The following PNPLA4 variants were observed in gnomAD, a reference collection of about 807,000 sequenced individuals.
PNPLA4 encodes patatin-like phospholipase domain-containing protein 4.
In PNPLA4, 15 loss-of-function variants were observed where a neutral mutation model predicts 18.3. The ratio of observed to expected loss-of-function variants is 0.82; its 90% CI spans 0.55 to 1.26. PNPLA4 has a LOEUF of 1.26. Among genes scored for constraint, PNPLA4 ranks in the 50% most tolerant of loss-of-function variants. The pLI is 0.00. For synonymous variants in PNPLA4, 88 were observed against 85.6 expected (o/e 1.03, Z -0.16); for missense variants, 229 against 196.8 (o/e 1.16, Z -0.98).
intron 4 of PNPLA4, among the ~76,000 whole-genome samples, chrX:7,921,016 T>C (rs1924198046): frequency 8.9e-6 from 1 of 112,227 alleles, no homozygotes; most frequent in South Asian, 3.7e-4. Flanking sequence ...ATGCCTGTAA[T>C]TCCAGCACTT....
chrX:7,907,127 C>T (rs1923728924), intron 5 of PNPLA4, among the ~76,000 whole-genome samples: 1 of 111,308 alleles, frequency 9.0e-6, no homozygotes, highest in Admixed American at 9.6e-5. Context: ...AAGCAATTCT[C>T]CTGCTTCAGC....
At chrX:7,913,229 A>G (rs1233355904) in intron 4 of PNPLA4, among the ~76,000 whole-genome samples, 1 of 111,921 alleles carries the variant, frequency 8.9e-6, no homozygotes, top group Non-Finnish European at 1.9e-5. Context: ...CTCATTACCA[A>G]AAAACCCACT....
In PNPLA4 at chrX:7,899,151, T is replaced by C. The variant is rs1236443934; in HGVS notation, c.*1535A>G. 1 of 111,691 alleles carries C rather than the reference T, an allele frequency of 9.0e-6. No homozygotes were observed. Among genetic ancestry groups the C allele is most frequent in the East Asian group, 2.8e-4 (1 of 3,565 alleles). 9.2% of individuals were successfully genotyped at this position (111,691 alleles called of 1,213,427 possible). ...CCATCATTACTCTAGAGTGGGTCTA[T>C]GCATAACTCCTCAAAAAGAGGCCAT... On this transcript the variant is annotated 3_prime_UTR_variant, in exon 7 of 7. Transcript: ENST00000381042.
At chrX:7,916,439 GC>G (rs1244947353) in intron 4 of PNPLA4, among the ~76,000 whole-genome samples, 4 of 111,579 alleles carry the variant, frequency 3.6e-5, no homozygotes. Flanking sequence ...AAGGAATCAT[GC>G]TAAATAATGA....
Position 7,922,052 on chromosome X carries a change from T to C in PNPLA4, c.227A>G (p.Gln76Arg). The part of the protein sequence containing the change: ...TYKFAEEIRR[Q>R]SFGAVTPGYD... ...ACCGGGCGTTACTGCCCCGAAAGACTGCCTTCTGATTTCTTCGGCAAACTT... is the reference window on the plus strand; with the variant it reads ...ACCGGGCGTTACTGCCCCGAAAGACCGCCTTCTGATTTCTTCGGCAAACTT... The change falls in exon 3 of 7, where the codon CAG becomes CGG. Residue 76 changes from glutamine (Q) to arginine (R), a missense_variant. Transcript: ENST00000381042. The C allele has an allele frequency of 8.3e-7, 1 of 1,209,777 alleles. No homozygotes were observed. The highest frequency in any genetic ancestry group is 1.1e-6 in the Non-Finnish European group (1 of 893,833).
rs1302460627 is a variant in PNPLA4, at chrX:7,898,810, A to C, written c.*1876T>G. 8.9e-6 allele frequency: 1 copy of C among 111,889 alleles called. No individual in the cohort carries two copies. Among genetic ancestry groups the C allele is most frequent in the African/African-American group, 3.3e-5 (1 of 30,745 alleles). 9.2% of individuals were successfully genotyped at this position (111,889 alleles called of 1,213,427 possible). On this transcript the variant is annotated 3_prime_UTR_variant, in exon 7 of 7. Coordinates refer to ENST00000381042, the MANE Select transcript of PNPLA4 (RefSeq NM_004650.3). The stretch of plus-strand genomic sequence containing the variant: ...AAAGTACCATCCTCCCACAGGGTCA[A>C]ATACATATGTAGTCGATACAAGATA...
At chrX:7,911,925 A>T in intron 5 of PNPLA4, 103 bp downstream of exon 5, 1 of 556,346 alleles carries the variant, frequency 1.8e-6, no homozygotes, top group Non-Finnish European at 3.0e-6. Flanking sequence ...GGAAAAAAAC[A>T]TAAACTGATT....
intron 5 of PNPLA4, among the ~76,000 whole-genome samples, chrX:7,907,124 TCTC>T (rs1233791146): frequency 9.0e-6 from 1 of 111,256 alleles, no homozygotes; most frequent in Non-Finnish European, 1.9e-5. Context: ...TTCAAGCAAT[TCTC>T]CTGCTTCAGC....
At chrX:7,913,087 G>C (rs1923927739) in intron 4 of PNPLA4, among the ~76,000 whole-genome samples, 1 of 111,742 alleles carries the variant, frequency 8.9e-6, no homozygotes, top group Non-Finnish European at 1.9e-5. Flanking sequence ...ATTTCCATAG[G>C]AAAATCCTCT....
chrX:7,919,356 T>C (rs1924142087), intron 4 of PNPLA4, among the ~76,000 whole-genome samples: 2 of 112,486 alleles, frequency 1.8e-5, no homozygotes, highest in African/African-American at 6.5e-5. Flanking sequence ...CTGGAGGCTC[T>C]GGGGGAGAAT....
rs1014168664 is a variant in PNPLA4, at chrX:7,899,271, C to A, written c.*1415G>T. ...GTTTCAAAGAGTAAAAGAAGAAATGCGTGACAATTGAAGACATGGAATTAA... is the reference window on the plus strand; with the variant it reads ...GTTTCAAAGAGTAAAAGAAGAAATGAGTGACAATTGAAGACATGGAATTAA... On this transcript the variant is annotated 3_prime_UTR_variant, in exon 7 of 7. Coordinates refer to ENST00000381042, the MANE Select transcript of PNPLA4 (RefSeq NM_004650.3). 9.0e-6 allele frequency: 1 copy of A among 111,327 alleles called. No homozygotes were observed. Among genetic ancestry groups the A allele is most frequent in the Non-Finnish European group, 1.9e-5 (1 of 53,098 alleles). The allele number at this position is 111,327 out of a possible 1,213,427, so 9.2% of individuals were successfully genotyped here.
At position 7,902,196 on chromosome X, in the gene PNPLA4, G is replaced by C. The variant is rs1369682235; in HGVS notation, c.478-55C>G. Reference sequence around the variant, plus strand: ...ACGTCAACAACACATCCTGCACAAAGAAAAGCAGCTTCTAATAATATGTGT... The same window carrying C: ...ACGTCAACAACACATCCTGCACAAACAAAAGCAGCTTCTAATAATATGTGT... On this transcript the variant is annotated intron_variant, in intron 5 of 6. Transcript: ENST00000381042. 5.6e-6 allele frequency: 6 copies of C among 1,070,769 alleles called. No homozygotes were observed. In the East Asian group the frequency reaches 1.6e-4, roughly 28 times the overall value. The allele number at this position is 1,070,769 out of a possible 1,213,427, so 88.2% of individuals were successfully genotyped here.
intron 2 of PNPLA4, among the ~76,000 whole-genome samples, chrX:7,923,215 G>A (rs926038636): frequency 8.0e-5 from 9 of 112,095 alleles, no homozygotes; most frequent in Non-Finnish European, 1.1e-4. Context: ...CTTGAGATGA[G>A]GAGATAATCC....
At chrX:7,926,431 A>C (rs1924410019) in intron 1 of PNPLA4, among the ~76,000 whole-genome samples, 1 of 112,556 alleles carries the variant, frequency 8.9e-6, no homozygotes, top group Admixed American at 9.4e-5. Context: ...CAGACGTATA[A>C]ATTCCAGTTG....
chrX:7,901,841 A>G (rs1923543997), intron 6 of PNPLA4, 148 bp downstream of exon 6: 1 of 532,403 alleles, frequency 1.9e-6, no homozygotes, highest in Non-Finnish European at 3.0e-6. Context: ...GATACATGTT[A>G]TAAAGTATTA....
intron 6 of PNPLA4, among the ~76,000 whole-genome samples, chrX:7,901,718 G>C (rs1923540139): frequency 8.9e-6 from 1 of 111,884 alleles, no homozygotes; most frequent in Non-Finnish European, 1.9e-5. Flanking sequence ...CTAGTGCTTT[G>C]GGAGGCCAAG....
rs1924236716 is a variant in PNPLA4, at chrX:7,921,984, G to C, written c.275+20C>G. The C allele has an allele frequency of 8.5e-7, 1 of 1,176,407 alleles. No individual in the cohort carries two copies. Among genetic ancestry groups the C allele is most frequent in the African/African-American group, 1.8e-5 (1 of 57,129 alleles). Reference sequence around the variant, plus strand: ...ACATTCTGTCTTCATGTACTTTTGGGCAAAATGTACTCTGTATACCTTAGT... The same window carrying C: ...ACATTCTGTCTTCATGTACTTTTGGCCAAAATGTACTCTGTATACCTTAGT... On this transcript the variant is annotated intron_variant, in intron 3 of 6. Transcript: ENST00000381042.
rs746210227 is a variant in PNPLA4, at chrX:7,902,093, C to T, written c.526G>A (p.Gly176Ser). The change falls in exon 6 of 7, where the codon GGC becomes AGC. Residue 176 changes from glycine (G) to serine (S), a missense_variant. Coordinates refer to ENST00000381042, the MANE Select transcript of PNPLA4 (RefSeq NM_004650.3). The stretch of plus-strand genomic sequence containing the variant: ...AAGGGGGAGATGGTTACTGTCCGGC[C>T]GACGGGCAGGATGGGAAGAGCGTTG... The part of the protein sequence containing the change: ...LTNALPILPV[G>S]RTVTISPFSG... 3.3e-6 allele frequency: 4 copies of T among 1,208,721 alleles called. No individual in the cohort carries two copies. The highest frequency in any genetic ancestry group is 2.2e-5 in the Admixed American group (1 of 45,657).
At chrX:7,914,352 G>C (rs1437052591) in intron 4 of PNPLA4, among the ~76,000 whole-genome samples, 2 of 111,752 alleles carry the variant, frequency 1.8e-5, no homozygotes, top group Admixed American at 9.6e-5. Flanking sequence ...AGAGAGGACA[G>C]AAAGCAGGCA....
Sources: gnomAD v4.1 joint callset for allele counts (sites outside exome capture counted in the v4.1 genomes callset) on GRCh38, gnomAD v4.1.1 for gene constraint, MANE v1.5 for transcripts, NCBI Gene and HGNC (gene_info 2026-07-23, HGNC 2026-07-21) for gene names.